Variants in NPAT observed in about 807,000 individuals in gnomAD.
NPAT encodes nuclear protein, coactivator of histone transcription, also known as protein NPAT.
A neutral mutation model predicts 130.7 loss-of-function variants in NPAT; 52 were observed. The ratio of observed to expected loss-of-function variants is 0.40; its 90% CI spans 0.32 to 0.50. The LOEUF is 0.50. Ranked by LOEUF, NPAT falls within the 20% of genes least tolerant of loss-of-function variation. NPAT has a pLI of 0.68. For missense variants in NPAT, 1,687 were observed against 1,662.6 expected (o/e 1.01, Z -0.26); for synonymous variants, 580 against 584.8 (o/e 0.99, Z 0.12).
At position 108,160,933 on chromosome 11, in the gene NPAT, A is replaced by T. The variant is rs770016139; in HGVS notation, c.4153T>A (p.Ser1385Thr). 15 of 1,614,116 alleles carry T rather than the reference A, an allele frequency of 9.3e-6. No individual in the cohort carries two copies. The highest frequency in any genetic ancestry group is 1.3e-5 in the Non-Finnish European group (15 of 1,180,004). Residue 1385 changes from serine (S) to threonine (T), a missense_variant, in exon 17 of 18, where the codon TCT becomes ACT. Ser to Thr is a moderately conservative substitution (Grantham distance 58). This residue lies in a region of NPAT where 1,379 missense variants were observed against 1,346.6 expected (regional missense o/e 1.02). Coordinates refer to ENST00000278612, the MANE Select transcript of NPAT (RefSeq NM_002519.3). ...LDERERNSRP[S>T]SKNLTNSSIP... ...GATGAATTTGTAAGATTTTTACTAG[A>T]AGGACGAGAGTTTCGCTCACGTTCA...
chr11:108,174,957 C>T (rs2077990554), intron 12 of NPAT, among the ~76,000 whole-genome samples: 1 of 152,056 alleles, frequency 6.6e-6, no homozygotes, highest in Admixed American at 6.6e-5. Context: ...ACAGCATTCA[C>T]AATTTAGGAC....
chr11:108,160,562 CTT>C (rs752338005), intron 17 of NPAT, among the ~76,000 whole-genome samples: 1 of 109,938 alleles, frequency 9.1e-6, no homozygotes, highest in Non-Finnish European at 2.2e-5. Flanking sequence ...GAAAGAAAAA[CTT>C]TTTCTTTTCC....
chr11:108,200,186 C>A (rs1179505035), intron 1 of NPAT, among the ~76,000 whole-genome samples: 1 of 152,178 alleles, frequency 6.6e-6, no homozygotes, highest in South Asian at 2.1e-4. Flanking sequence ...CAGGAGTCAG[C>A]ACAGTCCTAT....
At chr11:108,216,094 T>TAAAAAAAA (rs202072771) in intron 1 of NPAT, among the ~76,000 whole-genome samples, 3,291 of 152,300 alleles carry the variant, frequency 0.022, 121 homozygotes, top group African/African-American at 0.075. Flanking sequence ...ATTTAAAACT[T>TAAAAAAAA]CTACAGACTA....
intron 10 of NPAT, among the ~76,000 whole-genome samples, chr11:108,182,034 T>C (rs2078062949): frequency 6.6e-6 from 1 of 152,112 alleles, no homozygotes; most frequent in Admixed American, 6.6e-5. Context: ...TTTACAAGGT[T>C]CCCATCAGCA....
intron 1 of NPAT, among the ~76,000 whole-genome samples, chr11:108,216,698 C>A (rs1448520640): frequency 2.6e-5 from 4 of 152,048 alleles, no homozygotes; most frequent in African/African-American, 7.3e-5. Context: ...AAACATTATA[C>A]CTCTGTATAG....
chr11:108,170,271 A>T, intron 13 of NPAT: 1 of 490,774 alleles, frequency 2.0e-6, no homozygotes, highest in Non-Finnish European at 3.7e-6. Context: ...AGTCAATCCA[A>T]ATATTAAGGT....
intron 7 of NPAT, 61 bp from the exon 8 acceptor site, chr11:108,186,630 T>C (rs1301722990): frequency 3.0e-6 from 4 of 1,314,226 alleles, no homozygotes; most frequent in Admixed American, 3.4e-5. Flanking sequence ...TAAAGATAAA[T>C]ACATATACAG....
chr11:108,173,730 T>G lies in NPAT; in HGVS notation c.1254A>C (p.Gln418His), dbSNP rs761846250. The change falls in exon 13 of 18, where the codon CAA becomes CAC. Residue 418 changes from glutamine to histidine, a missense_variant. Physicochemically the swap from Gln to His is conservative, Grantham distance 24 (BLOSUM62 0). Coordinates refer to ENST00000278612, the MANE Select transcript of NPAT (RefSeq NM_002519.3). Reference protein sequence around the residue: ...LRQEDQENFSQISTSIQKKAF... With the variant: ...LRQEDQENFSHISTSIQKKAF... Reference sequence around the variant, plus strand: ...CCTTTTTCTGTATGCTGGTACTTATTTGGGAAAAATTTTCCTGGTCTTCTT... The same window carrying G: ...CCTTTTTCTGTATGCTGGTACTTATGTGGGAAAAATTTTCCTGGTCTTCTT... The G allele has an allele frequency of 6.2e-7, 1 of 1,614,064 alleles. No homozygotes were observed. The highest frequency in any genetic ancestry group is 1.3e-5 in the African/African-American group (1 of 74,932).
intron 3 of NPAT, among the ~76,000 whole-genome samples, chr11:108,193,581 C>T (rs554346030): frequency 1.6e-4 from 24 of 152,092 alleles, no homozygotes; most frequent in Non-Finnish European, 2.4e-4. Context: ...CAAAATTAGC[C>T]GGGCATGGTG....
At chr11:108,174,245 G>A (rs948985075) in intron 12 of NPAT, among the ~76,000 whole-genome samples, 2 of 152,146 alleles carry the variant, frequency 1.3e-5, no homozygotes, top group Non-Finnish European at 2.9e-5. Flanking sequence ...CAAAGTGCTG[G>A]GATCACAGGC....
chr11:108,179,275 T>G (rs1555042088), intron 10 of NPAT, among the ~76,000 whole-genome samples: 1 of 152,214 alleles, frequency 6.6e-6, no homozygotes, highest in Non-Finnish European at 1.5e-5. Flanking sequence ...AAATTTCATA[T>G]TATACTTTTT....
At chr11:108,216,756 A>C (rs555507889) in intron 1 of NPAT, among the ~76,000 whole-genome samples, 4 of 152,284 alleles carry the variant, frequency 2.6e-5, no homozygotes, top group East Asian at 1.9e-4. Context: ...CTCTATAATA[A>C]GTGTTTAAGT....
chr11:108,165,539 A>G lies in NPAT; in HGVS notation c.3011-3359T>C, dbSNP rs1325556622. 2.0e-5 allele frequency among the ~76,000 whole-genome samples: 3 copies of G among 149,460 alleles called. No homozygotes were observed. In the East Asian group the frequency reaches 5.9e-4, roughly 29 times the overall value. On this transcript the variant is annotated intron_variant, in intron 15 of 17. Coordinates refer to ENST00000278612, the MANE Select transcript of NPAT (RefSeq NM_002519.3). Reference sequence around the variant, plus strand: ...GAGTGTAGTGGCATGAGGACAGCCCACTGCACTCTCAACCTCCTGGGCTCA... The same window carrying G: ...GAGTGTAGTGGCATGAGGACAGCCCGCTGCACTCTCAACCTCCTGGGCTCA...
intron 6 of NPAT, 144 bp downstream of exon 6, chr11:108,188,962 A>C: frequency 1.4e-6 from 1 of 698,000 alleles, no homozygotes; most frequent in Non-Finnish European, 2.5e-6. Context: ...TAGCAAATCT[A>C]GAAGTCTGTT....
At chr11:108,205,320 G>C (rs923320568) in intron 1 of NPAT, among the ~76,000 whole-genome samples, 81 of 152,198 alleles carry the variant, frequency 5.3e-4, no homozygotes, top group African/African-American at 1.8e-3. Flanking sequence ...AAGAGCAGAG[G>C]AACCATTATA....
chr11:108,199,262 G>A (rs1357663385), intron 1 of NPAT, among the ~76,000 whole-genome samples: 3 of 152,196 alleles, frequency 2.0e-5, no homozygotes, highest in Non-Finnish European at 2.9e-5. Flanking sequence ...CCCAGACGCC[G>A]GCTCCCAAGG....
At position 108,169,868 on chromosome 11, in the gene NPAT, C is replaced by T. The variant is rs2077934190; in HGVS notation, c.2902-16G>A. On this transcript the variant is annotated splice_polypyrimidine_tract_variant and intron_variant, in intron 14 of 17. Transcript: ENST00000278612. ...TATGAAGAACCTGGAAGAGAAAAAG[C>T]CATTAATTACACTAAGCTTGAAAAG... The T allele has an allele frequency of 1.2e-6, 2 of 1,610,128 alleles. No homozygotes were observed. Among genetic ancestry groups the T allele is most frequent in the Admixed American group, 1.7e-5 (1 of 59,990 alleles).
intron 15 of NPAT, among the ~76,000 whole-genome samples, chr11:108,163,059 G>GATTTATTT (rs3081748): frequency 0.12 from 17,845 of 148,956 alleles, 1,182 homozygotes; most frequent in Non-Finnish European, 0.13. Flanking sequence ...TCCTTTAAGA[G>GATTTATTT]ATTTATTTAT....
Sources: allele counts gnomAD v4.1 joint callset (sites outside exome capture counted in the v4.1 genomes callset), GRCh38; gene constraint gnomAD v4.1.1; regional missense constraint gnomAD v4.1.1; transcripts MANE v1.5; gene names NCBI Gene and HGNC (gene_info 2026-07-23, HGNC 2026-07-21).